The following GDPGP1 variants were observed in gnomAD, a reference collection of about 807,000 sequenced individuals.
The protein encoded by GDPGP1 is GDP-D-glucose phosphorylase 1.
In GDPGP1, 18 loss-of-function variants were observed where a neutral mutation model predicts 19.2. The observed-to-expected ratio is 0.94, with a 90% confidence interval of 0.65 to 1.39. GDPGP1 has a LOEUF of 1.39. Ranked by LOEUF, GDPGP1 falls within the 40% of genes most tolerant of loss-of-function variation. The probability of loss-of-function intolerance (pLI) is 0.00; values close to 1 mark genes in which losing one functional copy is unlikely to be tolerated. For synonymous variants in GDPGP1, 219 were observed against 208.9 expected (o/e 1.05, Z -0.42); for missense variants, 449 against 490.5 (o/e 0.92, Z 0.80).
chr15:90,238,042 G>A (rs1000915361), intron 2 of GDPGP1, among the ~76,000 whole-genome samples: 1 of 152,220 alleles, frequency 6.6e-6, no homozygotes, highest in African/African-American at 2.4e-5. Flanking sequence ...GCTCACGCCT[G>A]TAATCCCAGC....
rs1035537924 is a variant in GDPGP1 at position 90,241,607 on chromosome 15, G to A, written c.699G>A (p.Ala233=). 13 of 1,613,666 alleles carry A rather than the reference G, an allele frequency of 8.1e-6. No homozygotes were observed. The highest frequency in any genetic ancestry group is 1.3e-5 in the African/African-American group (1 of 74,952). The change falls in exon 4 of 4, where the codon GCG becomes GCA. Residue 233 remains alanine, a synonymous_variant. Coordinates refer to ENST00000329600, the MANE Select transcript of GDPGP1 (RefSeq NM_001013657.3). ...YLAHRLPVEQ[A]PSEPLDPGGH... is the part of the protein sequence containing the mutation. Reference sequence around the variant, plus strand: ...CCCACAGACTGCCCGTGGAGCAGGCGCCAAGCGAGCCCCTGGACCCTGGAG... The same window carrying A: ...CCCACAGACTGCCCGTGGAGCAGGCACCAAGCGAGCCCCTGGACCCTGGAG...
In GDPGP1 at chr15:90,242,278, T is replaced by TA. The variant is rs1324088421; in HGVS notation, c.*214dup. On this transcript the variant is annotated 3_prime_UTR_variant, in exon 4 of 4. Coordinates refer to ENST00000329600, the MANE Select transcript of GDPGP1 (RefSeq NM_001013657.3). ...CTTTTTTTTTTTTTTTTTTTTTTTT[T>TA]AACGATTAGGTGATTTTGTATTTTT... The TA allele has an allele frequency of 1.1e-4, 27 of 247,858 alleles. No individual in the cohort carries two copies. The Admixed American group carries it at 1.1e-3, about 10-fold the overall frequency. The allele number at this position is 247,858 out of a possible 1,614,324, so 15.4% of individuals were successfully genotyped here.
chr15:90,237,792 T>A (rs948781628), intron 2 of GDPGP1, among the ~76,000 whole-genome samples: 6 of 152,162 alleles, frequency 3.9e-5, no homozygotes, highest in Non-Finnish European at 8.8e-5. Context: ...TTTATTAGAA[T>A]AAGATACTAC....
Position 90,243,233 on chromosome 15 carries a change from C to G in GDPGP1, c.*1167C>G, listed in dbSNP as rs1311128936. 6.6e-6 allele frequency: 1 copy of G among 152,308 alleles called. No homozygotes were observed. The highest frequency in any genetic ancestry group is 1.9e-4 in the East Asian group (1 of 5,206). The allele number at this position is 152,308 out of a possible 1,614,324, so 9.4% of individuals were successfully genotyped here. On this transcript the variant is annotated 3_prime_UTR_variant, in exon 4 of 4. Coordinates refer to ENST00000329600, the MANE Select transcript of GDPGP1 (RefSeq NM_001013657.3). ...CTTCTTTCCATTTAGCCCTGCTCCA[C>G]CCAAATGCCCCACTCCTTCACTTTC...
intron 2 of GDPGP1, 32 bp downstream of exon 2, chr15:90,234,628 G>C (rs1567070490): frequency 6.8e-6 from 1 of 146,080 alleles, no homozygotes. Flanking sequence ...ATGGAAATAC[G>C]TAAGTCCAAA....
chr15:90,235,276 A>C (rs2151637639), intron 2 of GDPGP1, among the ~76,000 whole-genome samples: 1 of 152,292 alleles, frequency 6.6e-6, no homozygotes, highest in Non-Finnish European at 1.5e-5. Flanking sequence ...CATTGTAGAA[A>C]TATTCAAGGC....
At chr15:90,237,084 G>A (rs1011677137) in intron 2 of GDPGP1, among the ~76,000 whole-genome samples, 6 of 150,270 alleles carry the variant, frequency 4.0e-5, no homozygotes, top group South Asian at 2.1e-4. Flanking sequence ...TTAGCCTCCC[G>A]AGTAGCTGAG....
In GDPGP1 at chr15:90,244,105, T is replaced by G. The variant is rs1962821348; in HGVS notation, c.*2039T>G. 6.6e-6 allele frequency: 1 copy of G among 152,202 alleles called. No homozygotes were observed. The highest frequency in any genetic ancestry group is 1.5e-5 in the Non-Finnish European group (1 of 68,064). 9.4% of individuals were successfully genotyped at this position (152,202 alleles called of 1,614,324 possible). ...AAACGGGATGGAGACTGACAGTTTG[T>G]ACTTTGTTCAAGGTCAGGCAGCTGG... On this transcript the variant is annotated 3_prime_UTR_variant, in exon 4 of 4. Transcript: ENST00000329600.
chr15:90,241,544 C>A lies in GDPGP1; in HGVS notation c.636C>A (p.Ala212=). ...RVGFNSLGGL[A]SVNHLHLHGY... ...GCTTCAACAGCCTGGGAGGCTTGGC[C>A]TCGGTGAACCACCTCCACCTGCATG... The change falls in exon 4 of 4, where the codon GCC becomes GCA. Residue 212 remains alanine, a synonymous_variant. Coordinates refer to ENST00000329600, the MANE Select transcript of GDPGP1 (RefSeq NM_001013657.3). 6.2e-7 allele frequency: 1 copy of A among 1,613,366 alleles called. No homozygotes were observed. Among genetic ancestry groups the A allele is most frequent in the Non-Finnish European group, 8.5e-7 (1 of 1,180,024 alleles).
chr15:90,241,390 C>A lies in GDPGP1; in HGVS notation c.482C>A (p.Pro161His). The A allele has an allele frequency of 1.2e-6, 2 of 1,613,992 alleles. No homozygotes were observed. The highest frequency in any genetic ancestry group is 1.7e-5 in the Admixed American group (1 of 60,018). Residue 161 changes from proline to histidine, a missense_variant, in exon 4 of 4, where the codon CCC becomes CAC. By Grantham distance (77) the Pro-to-His change is moderately conservative (BLOSUM62 -2). Coordinates refer to ENST00000329600, the MANE Select transcript of GDPGP1 (RefSeq NM_001013657.3). ...EDILVVINVSPLEWGHVLLVP... is the reference protein window; with the variant it reads ...EDILVVINVSHLEWGHVLLVP... ...ATCCTGGTGGTGATCAACGTCAGCC[C>A]CCTGGAGTGGGGCCACGTGCTGCTG...
intron 2 of GDPGP1, among the ~76,000 whole-genome samples, chr15:90,236,939 T>A (rs928853360): frequency 6.6e-6 from 1 of 151,864 alleles, no homozygotes; most frequent in African/African-American, 2.4e-5. Flanking sequence ...AAAACCGAGC[T>A]GCTGATATAC....
At chr15:90,237,085 A>T (rs7163678) in intron 2 of GDPGP1, among the ~76,000 whole-genome samples, 29,182 of 151,330 alleles carry the variant, frequency 0.19, 3,002 homozygotes, top group Middle Eastern at 0.24. Context: ...TAGCCTCCCG[A>T]GTAGCTGAGA....
chr15:90,237,163 A>G (rs964620870), intron 2 of GDPGP1, among the ~76,000 whole-genome samples: 2 of 150,378 alleles, frequency 1.3e-5, no homozygotes, highest in Non-Finnish European at 3.0e-5. Context: ...GTTTCACCAT[A>G]TTGGCCAGGC....
Position 90,243,512 on chromosome 15 carries a change from A to G in GDPGP1, c.*1446A>G, listed in dbSNP as rs1279515420. ...TAGGTGTGCACCATCACACCTGGCT[A>G]ATTTTTAAATTTTTTGTAGAGATAG... is the stretch of plus-strand genomic sequence containing the variant. On this transcript the variant is annotated 3_prime_UTR_variant, in exon 4 of 4. Transcript: ENST00000329600. 2 of 151,624 alleles carry G rather than the reference A, an allele frequency of 1.3e-5. No homozygotes were observed. The highest frequency in any genetic ancestry group is 4.9e-5 in the African/African-American group (2 of 41,182). 9.4% of individuals were successfully genotyped at this position (151,624 alleles called of 1,614,324 possible).
At chr15:90,239,649 G>A (rs1251694526) in intron 3 of GDPGP1, among the ~76,000 whole-genome samples, 2 of 152,182 alleles carry the variant, frequency 1.3e-5, no homozygotes, top group Non-Finnish European at 2.9e-5. Flanking sequence ...CACAACAAGT[G>A]GGGATTATAG....
At chr15:90,237,909 G>T (rs1489443364) in intron 2 of GDPGP1, among the ~76,000 whole-genome samples, 1 of 152,114 alleles carries the variant, frequency 6.6e-6, no homozygotes, top group Non-Finnish European at 1.5e-5. Flanking sequence ...GTGAGAATAA[G>T]ATACTACATT....
At position 90,242,253 on chromosome 15, in the gene GDPGP1, CTTTTTTTTT is replaced by C. The variant is rs141541505; in HGVS notation, c.*204_*212del. Reference sequence around the variant, plus strand: ...TAGGCGTGCACCACCACACACCTGGCTTTTTTTTTTTTTTTTTTTTTTTTTAACGATTAG... The same window carrying C: ...TAGGCGTGCACCACCACACACCTGGCTTTTTTTTTTTTTTTTAACGATTAG... On this transcript the variant is annotated 3_prime_UTR_variant, in exon 4 of 4. Coordinates refer to ENST00000329600, the MANE Select transcript of GDPGP1 (RefSeq NM_001013657.3). The C allele has an allele frequency of 2.1e-3, 190 of 89,184 alleles. No individual in the cohort carries two copies. The highest frequency in any genetic ancestry group is 0.018 in the Middle Eastern group (4 of 224). The allele number at this position is 89,184 out of a possible 1,614,324, so 5.5% of individuals were successfully genotyped here.
Position 90,242,123 on chromosome 15 carries a change from C to G in GDPGP1, c.*57C>G, listed in dbSNP as rs1284174923. The G allele has an allele frequency of 1.4e-6, 2 of 1,399,878 alleles. No homozygotes were observed. The highest frequency in any genetic ancestry group is 2.3e-5 in the East Asian group (1 of 43,200). The allele number at this position is 1,399,878 out of a possible 1,614,324, so 86.7% of individuals were successfully genotyped here. On this transcript the variant is annotated 3_prime_UTR_variant, in exon 4 of 4. Coordinates refer to ENST00000329600, the MANE Select transcript of GDPGP1 (RefSeq NM_001013657.3). The stretch of plus-strand genomic sequence containing the variant: ...TTTTCTTTTGAGATAGGGTCTCACT[C>G]TGTCCCCAGGCTAGAGTGTAGTGGT...
At chr15:90,234,971 T>A (rs1962601535) in intron 2 of GDPGP1, among the ~76,000 whole-genome samples, 1 of 152,236 alleles carries the variant, frequency 6.6e-6, no homozygotes, top group Non-Finnish European at 1.5e-5. Flanking sequence ...ATCCTTCCAA[T>A]CCATTATACT....
Sources: allele counts gnomAD v4.1 joint callset (sites outside exome capture counted in the v4.1 genomes callset), GRCh38; gene constraint gnomAD v4.1.1; transcripts MANE v1.5; gene names NCBI Gene and HGNC (gene_info 2026-07-23, HGNC 2026-07-21).